Variants in SNX31 observed in about 807,000 individuals in gnomAD.
SNX31 encodes sorting nexin-31.
A neutral mutation model predicts 65.4 loss-of-function variants in SNX31; 58 were observed. The ratio of observed to expected loss-of-function variants is 0.89; its 90% CI spans 0.72 to 1.10. SNX31 has a LOEUF of 1.10. Among genes scored for constraint, SNX31 ranks in the 50% least tolerant of loss-of-function variants. SNX31 has a pLI of 0.00. For synonymous variants in SNX31, 181 were observed against 190.1 expected, an observed-to-expected ratio of 0.95 and a Z score of 0.39; for missense variants, 523 against 529.7, an observed-to-expected ratio of 0.99 and a Z score of 0.12.
At position 100,635,943 on chromosome 8, in the gene SNX31, A is replaced by C; in HGVS notation, c.210T>G (p.Ala70=). The C allele has an allele frequency of 1.2e-6, 2 of 1,614,214 alleles. No individual in the cohort carries two copies. The highest frequency in any genetic ancestry group is 1.7e-6 in the Non-Finnish European group (2 of 1,180,030). The part of the protein sequence containing the change: ...PPKYYLAMTT[A]MADERRDQLE... Reference sequence around the variant, plus strand: ...GTTGGTCCCTCCTCTCATCAGCCATAGCTGTGGTCATTGCCAGATAGTACT... The same window carrying C: ...GTTGGTCCCTCCTCTCATCAGCCATCGCTGTGGTCATTGCCAGATAGTACT... Residue 70 remains alanine, a synonymous_variant, in exon 3 of 14, where the codon GCT becomes GCG. Coordinates refer to ENST00000311812, the MANE Select transcript of SNX31 (RefSeq NM_152628.4).
rs921027176 is a variant in SNX31 at position 100,612,202 on chromosome 8, A to T, written c.524-115T>A. ...TATTGGAAATAATAAAATCACAGTAAGAATATCCTCTGTATTTACACGTAA... is the reference window on the plus strand; with the variant it reads ...TATTGGAAATAATAAAATCACAGTATGAATATCCTCTGTATTTACACGTAA... On this transcript the variant is annotated intron_variant, in intron 6 of 13. Coordinates refer to ENST00000311812, the MANE Select transcript of SNX31 (RefSeq NM_152628.4). The surrounding 1 kb of genome is among the most constrained non-coding windows in gnomAD (Gnocchi z 4.3). 1.1e-5 allele frequency: 7 copies of T among 655,616 alleles called. No individual in the cohort carries two copies. The African/African-American group carries it at 1.3e-4, about 12-fold the overall frequency. The allele number at this position is 655,616 out of a possible 1,614,324, so 40.6% of individuals were successfully genotyped here.
chr8:100,642,805 T>A (rs1393538553), intron 2 of SNX31, among the ~76,000 whole-genome samples: 1 of 152,212 alleles, frequency 6.6e-6, no homozygotes, highest in Non-Finnish European at 1.5e-5. Flanking sequence ...AAGGAAAACA[T>A]ATCTGTTCTG....
chr8:100,659,071 C>T (rs1022060937), intron 1 of SNX31, among the ~76,000 whole-genome samples: 4 of 152,082 alleles, frequency 2.6e-5, no homozygotes, highest in Admixed American at 6.6e-5. Flanking sequence ...GCTGGCCGGG[C>T]ACAGGGGCTC....
intron 8 of SNX31, among the ~76,000 whole-genome samples, chr8:100,601,595 G>T (rs1815631942): frequency 6.6e-6 from 1 of 152,054 alleles, no homozygotes; most frequent in South Asian, 2.1e-4. Context: ...TTCCACATTT[G>T]CAAACTTTTT....
At chr8:100,620,010 C>G (rs146039334) in intron 4 of SNX31, 2 of 152,288 alleles carry the variant, frequency 1.3e-5, no homozygotes, top group African/African-American at 4.8e-5. Flanking sequence ...TTGCGGAAAT[C>G]TGATACCCAT....
rs7815600 is a variant in SNX31, at chr8:100,622,350, G to C, written c.322-4620C>G. ...AGAGAAAAAGAACTAGCATAGTAGC[G>C]TCCGCAATGGGGCATTTTCCAGGTG... On this transcript the variant is annotated intron_variant, in intron 4 of 13. Transcript: ENST00000311812. The surrounding 1 kb of genome is among the most constrained non-coding windows in gnomAD (Gnocchi z 5.0). Among the ~76,000 whole-genome samples, 1 of 152,022 alleles carries C rather than the reference G, an allele frequency of 6.6e-6. No homozygotes were observed. Among genetic ancestry groups the C allele is most frequent in the Non-Finnish European group, 1.5e-5 (1 of 68,016 alleles).
chr8:100,639,290 G>A (rs1354329273), intron 2 of SNX31, among the ~76,000 whole-genome samples: 1 of 152,210 alleles, frequency 6.6e-6, no homozygotes, highest in East Asian at 1.9e-4. Flanking sequence ...ACAAATGTAT[G>A]AAACCAACTC....
intron 8 of SNX31, among the ~76,000 whole-genome samples, chr8:100,601,042 T>C (rs1815576404): frequency 6.6e-6 from 1 of 152,182 alleles, no homozygotes; most frequent in Non-Finnish European, 1.5e-5. Flanking sequence ...AAATAATAAG[T>C]ATATTTGAAT....
At chr8:100,636,162 C>A (rs1352622979) in intron 2 of SNX31, 151 bp from the exon 3 acceptor site, 1 of 589,432 alleles carries the variant, frequency 1.7e-6, no homozygotes, top group African/African-American at 1.9e-5. Flanking sequence ...AGAGGACAAT[C>A]TGATTTTCTT....
Position 100,648,537 on chromosome 8 carries a change from T to C in SNX31, c.141+737A>G, listed in dbSNP as rs1022442836. Among the ~76,000 whole-genome samples, 4 of 152,128 alleles carry C rather than the reference T, an allele frequency of 2.6e-5. No individual in the cohort carries two copies. The highest frequency in any genetic ancestry group is 4.8e-5 in the African/African-American group (2 of 41,420). On this transcript the variant is annotated intron_variant, in intron 2 of 13. Transcript: ENST00000311812. The surrounding 1 kb of genome is among the most constrained non-coding windows in gnomAD (Gnocchi z 4.3). ...TAAAACAAAAAAACAAAAATCACTA[T>C]TCATGGGGGAGTGGAGGAGGAGTGT...
rs762521815 is a variant in SNX31 at position 100,626,282 on chromosome 8, G to A, written c.321+4045C>T. Reference sequence around the variant, plus strand: ...GCTCTTCTCCCCATTTTACAGATGGGGAAACTGAGGTACAAAAAGCCTAAG... The same window carrying A: ...GCTCTTCTCCCCATTTTACAGATGGAGAAACTGAGGTACAAAAAGCCTAAG... On this transcript the variant is annotated intron_variant, in intron 4 of 13. Transcript: ENST00000311812. The surrounding 1 kb of genome is among the most constrained non-coding windows in gnomAD (Gnocchi z 4.4). Among the ~76,000 whole-genome samples the A allele has an allele frequency of 8.5e-5, 13 of 152,076 alleles. No individual in the cohort carries two copies. Among genetic ancestry groups the A allele is most frequent in the Non-Finnish European group, 1.6e-4 (11 of 68,020 alleles).
At chr8:100,581,341 A>ATC (rs1563510931) in intron 12 of SNX31, among the ~76,000 whole-genome samples, 3 of 146,060 alleles carry the variant, frequency 2.1e-5, no homozygotes, top group Non-Finnish European at 4.5e-5. Flanking sequence ...ATCTATCTAT[A>ATC]TATATATATA....
chr8:100,608,449 T>C, intron 8 of SNX31, 45 bp downstream of exon 8: 3 of 1,591,172 alleles, frequency 1.9e-6, no homozygotes, highest in Non-Finnish European at 2.6e-6. Flanking sequence ...CAAGCCAACA[T>C]GGCCTATGAT....
At chr8:100,586,606 C>T (rs1814072948) in intron 11 of SNX31, among the ~76,000 whole-genome samples, 1 of 152,224 alleles carries the variant, frequency 6.6e-6, no homozygotes, top group Non-Finnish European at 1.5e-5. Flanking sequence ...GACTGATAAT[C>T]TTGCCTTAGC....
At chr8:100,583,901 G>T (rs1194582724) in intron 12 of SNX31, among the ~76,000 whole-genome samples, 1 of 152,168 alleles carries the variant, frequency 6.6e-6, no homozygotes, top group Non-Finnish European at 1.5e-5. Flanking sequence ...TTGGAAAAAT[G>T]ACTTCAATTC....
intron 5 of SNX31, 45 bp downstream of exon 5, chr8:100,617,575 C>G: frequency 1.5e-6 from 2 of 1,335,706 alleles, no homozygotes; most frequent in Non-Finnish European, 2.1e-6. Flanking sequence ...CAAACAGAAC[C>G]ATCCCTAGAT....
chr8:100,648,081 C>T lies in SNX31; in HGVS notation c.141+1193G>A, dbSNP rs1044060520. Among the ~76,000 whole-genome samples, 1 of 152,196 alleles carries T rather than the reference C, an allele frequency of 6.6e-6. No individual in the cohort carries two copies. Among genetic ancestry groups the T allele is most frequent in the African/African-American group, 2.4e-5 (1 of 41,444 alleles). ...TTGGTTGACTCCAAAGATACTTAAT[C>T]ACACCTTGAAAATGGACTTTTCCAA... On this transcript the variant is annotated intron_variant, in intron 2 of 13. Coordinates refer to ENST00000311812, the MANE Select transcript of SNX31 (RefSeq NM_152628.4). The surrounding 1 kb of genome is among the most constrained non-coding windows in gnomAD (Gnocchi z 4.3).
chr8:100,641,565 A>AATATATATATATATAT (rs1237945389), intron 2 of SNX31, among the ~76,000 whole-genome samples: 1 of 32,104 alleles, frequency 3.1e-5, no homozygotes, highest in African/African-American at 1.4e-4. Context: ...AAAAAAAAAA[A>AATATATATATATATAT]ATATATATAT....
upstream of SNX31, among the ~76,000 whole-genome samples, chr8:100,652,687 C>T (rs1819995979): frequency 6.6e-6 from 1 of 152,114 alleles, no homozygotes; most frequent in African/African-American, 2.4e-5. Flanking sequence ...GGTACCCACA[C>T]TCTTTTGGAG....
Sources: allele counts gnomAD v4.1 joint callset (sites outside exome capture counted in the v4.1 genomes callset), GRCh38; gene constraint gnomAD v4.1.1; non-coding constraint Gnocchi (gnomAD v3.1); transcripts MANE v1.5; gene names NCBI Gene and HGNC (gene_info 2026-07-23, HGNC 2026-07-21).